Variants in BLTP1 observed in about 807,000 individuals in gnomAD.
BLTP1 encodes the protein bridge-like lipid transfer protein family member 1, also known as fragile site-associated protein.
the BLTP1 span, chr4:122,199,417 A>G: frequency 1.2e-6 from 2 of 1,613,700 alleles, no homozygotes; most frequent in South Asian, 1.1e-5. Context: ...CCAGCATGCA[A>G]TATCGGACCC....
At chr4:122,300,447 T>G in the BLTP1 span, among the ~76,000 whole-genome samples, 2 of 152,178 alleles carry the variant, frequency 1.3e-5, no homozygotes, top group Non-Finnish European at 2.9e-5. Flanking sequence ...AGGTCTTTTT[T>G]GGGGGGCCAA....
the BLTP1 span, chr4:122,274,603 C>T: frequency 5.0e-4 from 494 of 978,454 alleles, 1 homozygote; most frequent in Non-Finnish European, 5.9e-4. Flanking sequence ...TAGAAAAATA[C>T]TTTTTGTCTT....
the BLTP1 span, chr4:122,247,736 T>A: frequency 9.9e-7 from 1 of 1,013,698 alleles, no homozygotes; most frequent in Non-Finnish European, 1.2e-6. Context: ...TAGAAAGAAT[T>A]AATTGTAATA....
the BLTP1 span, chr4:122,185,468 C>T: frequency 1.0e-6 from 1 of 959,972 alleles, no homozygotes; most frequent in African/African-American, 1.8e-5. Flanking sequence ...TCATCCATCA[C>T]TTTAAATGGA....
chr4:122,263,153 T>C, the BLTP1 span: 1 of 973,834 alleles, frequency 1.0e-6, no homozygotes, highest in Non-Finnish European at 1.2e-6. Context: ...CTTTTCGGAG[T>C]CTTCATGCCC....
chr4:122,341,971 A>G, the BLTP1 span: 1 of 331,316 alleles, frequency 3.0e-6, no homozygotes, highest in Non-Finnish European at 4.3e-6. Flanking sequence ...AAAAGGAAAA[A>G]AAAGCCATTG....
chr4:122,189,945 A>G, the BLTP1 span: 17 of 1,593,356 alleles, frequency 1.1e-5, no homozygotes, highest in African/African-American at 1.4e-5. Flanking sequence ...AGGATACTGA[A>G]CATTTTATAT....
At chr4:122,333,268 T>C in the BLTP1 span, among the ~76,000 whole-genome samples, 1 of 59,300 alleles carries the variant, frequency 1.7e-5, no homozygotes, top group East Asian at 4.6e-4. Flanking sequence ...GTGTTCCTAT[T>C]TCTCCGCATC....
At chr4:122,339,676 G>A in the BLTP1 span, among the ~76,000 whole-genome samples, 8 of 152,024 alleles carry the variant, frequency 5.3e-5, no homozygotes, top group South Asian at 2.1e-4. Flanking sequence ...TACTACAAGC[G>A]CTATGACATA....
chr4:122,246,008 G>T, the BLTP1 span: 1 of 848,740 alleles, frequency 1.2e-6, no homozygotes, highest in South Asian at 4.3e-5. Flanking sequence ...TCGAAAGTTT[G>T]GATTTTAAGG....
the BLTP1 span, among the ~76,000 whole-genome samples, chr4:122,265,439 G>C: frequency 6.6e-6 from 1 of 151,998 alleles, no homozygotes; most frequent in Non-Finnish European, 1.5e-5. Flanking sequence ...TTGAGTCCTT[G>C]GATGCAGAAC....
the BLTP1 span, chr4:122,248,069 A>G: frequency 1.0e-6 from 1 of 985,216 alleles, no homozygotes; most frequent in Non-Finnish European, 1.2e-6. Flanking sequence ...TGAAGTTTCC[A>G]TGATTCCTGT....
the BLTP1 span, among the ~76,000 whole-genome samples, chr4:122,310,151 G>A: frequency 2.8e-4 from 43 of 152,066 alleles, no homozygotes; most frequent in African/African-American, 8.4e-4. Context: ...TTTAGAAAGC[G>A]GTAGCCCATT....
At chr4:122,272,207 G>T in the BLTP1 span, 1 of 1,613,138 alleles carries the variant, frequency 6.2e-7, no homozygotes, top group South Asian at 1.1e-5. Context: ...GTTTGAGAAT[G>T]AACAAGACAA....
the BLTP1 span, among the ~76,000 whole-genome samples, chr4:122,268,803 A>G: frequency 1.1e-4 from 16 of 152,318 alleles, no homozygotes; most frequent in Middle Eastern, 3.4e-3. Flanking sequence ...CTTTCTGTGC[A>G]TGAAGTGAAC....
At chr4:122,358,689 T>C in the BLTP1 span, among the ~76,000 whole-genome samples, 3 of 152,206 alleles carry the variant, frequency 2.0e-5, no homozygotes, top group African/African-American at 7.2e-5. Flanking sequence ...ATTTTGAGGC[T>C]CATTCCCAAT....
At chr4:122,192,211 G>T in the BLTP1 span, 4 of 1,609,428 alleles carry the variant, frequency 2.5e-6, no homozygotes, top group Admixed American at 1.7e-5. Context: ...CCTTTATATT[G>T]TATGTTCTGG....
At chr4:122,356,105 G>A in the BLTP1 span, 3 of 756,986 alleles carry the variant, frequency 4.0e-6, no homozygotes, top group Non-Finnish European at 6.0e-6. Flanking sequence ...AATTTTCTAG[G>A]CAAAATTGAT....
At chr4:122,177,355 T>C in the BLTP1 span, among the ~76,000 whole-genome samples, 1 of 152,186 alleles carries the variant, frequency 6.6e-6, no homozygotes, top group South Asian at 2.1e-4. Flanking sequence ...CCACCTGTTT[T>C]ATCACATAGT....
Sources: gnomAD v4.1 joint callset for allele counts (sites outside exome capture counted in the v4.1 genomes callset) on GRCh38, gnomAD v4.1.1 for gene constraint, MANE v1.5 for transcripts, NCBI Gene and HGNC (gene_info 2026-07-23, HGNC 2026-07-21) for gene names.